The following NOSTRIN variants were observed in gnomAD, a reference collection of about 807,000 sequenced individuals.
NOSTRIN encodes the protein BM247 homolog.
Under a neutral mutation model 59.0 loss-of-function variants are expected in NOSTRIN, and 63 were observed. That is an observed-to-expected ratio of 1.07 (90% CI 0.87 to 1.32). The LOEUF (loss-of-function observed/expected upper bound fraction) is 1.32. Ranked by LOEUF, NOSTRIN falls within the 40% of genes most tolerant of loss-of-function variation. The pLI is 0.00. For missense variants in NOSTRIN, 512 were observed against 473.1 expected (o/e 1.08, Z -0.76); for synonymous variants, 200 against 165.4 (o/e 1.21, Z -1.61).
At chr2:168,805,815 CG>C (rs1685822952) in intron 1 of NOSTRIN, among the ~76,000 whole-genome samples, 2 of 152,236 alleles carry the variant, frequency 1.3e-5, no homozygotes, top group African/African-American at 4.8e-5. Flanking sequence ...CAGATGGTGC[CG>C]GTGCCATGGT....
At chr2:168,849,842 G>C (rs1265512904) in intron 8 of NOSTRIN, among the ~76,000 whole-genome samples, 1 of 151,544 alleles carries the variant, frequency 6.6e-6, no homozygotes, top group East Asian at 1.9e-4. Context: ...ATGCTTAGTT[G>C]CTAAAGCTTT....
At chr2:168,818,364 C>G in intron 2 of NOSTRIN, 2 of 202,866 alleles carry the variant, frequency 9.9e-6, no homozygotes, top group South Asian at 1.4e-4. Context: ...GATATGTTGC[C>G]TAGGCTGGTC....
chr2:168,790,603 G>T (rs926614312), intron 2 of NOSTRIN, among the ~76,000 whole-genome samples: 1 of 152,152 alleles, frequency 6.6e-6, no homozygotes, highest in Admixed American at 6.5e-5. Context: ...TAATTAACTG[G>T]TCATCTTCAA....
intron 6 of NOSTRIN, among the ~76,000 whole-genome samples, chr2:168,831,846 C>A (rs751259993): frequency 2.6e-5 from 4 of 152,172 alleles, no homozygotes; most frequent in South Asian, 2.1e-4. Flanking sequence ...AATGGAGACA[C>A]AGAGAGTTTC....
intron 2 of NOSTRIN, among the ~76,000 whole-genome samples, chr2:168,814,392 A>G (rs1686295383): frequency 6.6e-6 from 1 of 152,320 alleles, no homozygotes; most frequent in South Asian, 2.1e-4. Context: ...CTAGATATAC[A>G]TTGGATAGAA....
intron 1 of NOSTRIN, among the ~76,000 whole-genome samples, chr2:168,805,839 G>A (rs762371456): frequency 6.6e-6 from 1 of 152,188 alleles, no homozygotes; most frequent in Non-Finnish European, 1.5e-5. Flanking sequence ...GTAGCTCCTA[G>A]GAGAATCTGA....
upstream of NOSTRIN, among the ~76,000 whole-genome samples, chr2:168,794,026 T>C (rs528344287): frequency 2.6e-5 from 4 of 152,334 alleles, no homozygotes; most frequent in South Asian, 8.3e-4. Context: ...CTTCATAATC[T>C]GTCTATCATA....
intron 6 of NOSTRIN, among the ~76,000 whole-genome samples, chr2:168,832,624 G>A (rs1204294259): frequency 6.6e-6 from 1 of 152,176 alleles, no homozygotes; most frequent in Non-Finnish European, 1.5e-5. Flanking sequence ...AATAAAAAGT[G>A]TTTGATGTAA....
chr2:168,828,600 G>A, intron 5 of NOSTRIN, 99 bp downstream of exon 5: 1 of 509,606 alleles, frequency 2.0e-6, no homozygotes, highest in East Asian at 3.1e-5. Flanking sequence ...CCAAGTTTCA[G>A]GAATTTATCC....
rs536187054 is a variant in NOSTRIN, at chr2:168,835,220, G to T, written c.504+895G>T. On this transcript the variant is annotated intron_variant, in intron 7 of 15. Coordinates refer to ENST00000317647, the MANE Select transcript of NOSTRIN (RefSeq NM_001039724.4). The stretch of plus-strand genomic sequence containing the variant: ...CTCCCAAGTAGCTGGGACTACAGGT[G>T]TGCACCACCATGCTCGGCTAATTTT... Among the ~76,000 whole-genome samples, 397 of 152,094 alleles carry T rather than the reference G, an allele frequency of 2.6e-3. 3 individuals carry two copies. Among genetic ancestry groups the T allele is most frequent in the African/African-American group, 8.8e-3 (364 of 41,452 alleles).
intron 2 of NOSTRIN, among the ~76,000 whole-genome samples, chr2:168,789,315 G>A (rs373698988): frequency 1.3e-5 from 2 of 152,236 alleles, no homozygotes; most frequent in Non-Finnish European, 2.9e-5. Context: ...AAGGAAAGAG[G>A]TTTAATAGGC....
chr2:168,846,902 C>T (rs913548569), intron 8 of NOSTRIN, among the ~76,000 whole-genome samples: 3 of 152,168 alleles, frequency 2.0e-5, no homozygotes, highest in South Asian at 2.1e-4. Context: ...ATAAAATGGA[C>T]GCCTCAGGAC....
At chr2:168,818,259 T>C in intron 2 of NOSTRIN, 1 of 428,338 alleles carries the variant, frequency 2.3e-6, no homozygotes, top group Non-Finnish European at 4.7e-6. Flanking sequence ...GCTCGCGAAC[T>C]CCTCTCGCCT....
Position 168,865,012 on chromosome 2 carries a change from C to T in NOSTRIN, c.*42C>T. On this transcript the variant is annotated 3_prime_UTR_variant, in exon 16 of 16. Coordinates refer to ENST00000317647, the MANE Select transcript of NOSTRIN (RefSeq NM_001039724.4). ...TACTACCTTCACACTCGGTAATCAA[C>T]AATACAGTGTGGTTCAAATAAGAAT... 1 of 1,603,770 alleles carries T rather than the reference C, an allele frequency of 6.2e-7. No homozygotes were observed. Among genetic ancestry groups the T allele is most frequent in the South Asian group, 1.1e-5 (1 of 90,434 alleles).
chr2:168,840,918 T>C (rs501303), intron 7 of NOSTRIN, among the ~76,000 whole-genome samples: 97,444 of 151,920 alleles, frequency 0.64, 32,308 homozygotes, highest in African/African-American at 0.81. Flanking sequence ...CTGGAATTTG[T>C]AATTTTTACA....
chr2:168,819,766 T>C (rs1347402844), intron 2 of NOSTRIN, among the ~76,000 whole-genome samples: 2 of 152,194 alleles, frequency 1.3e-5, no homozygotes, highest in African/African-American at 4.8e-5. Context: ...GGGTCATCAA[T>C]AAGTTGCAGG....
At chr2:168,824,479 A>G (rs1686941657) in intron 2 of NOSTRIN, among the ~76,000 whole-genome samples, 155 bp from the exon 3 acceptor site, 1 of 152,032 alleles carries the variant, frequency 6.6e-6, no homozygotes, top group South Asian at 2.1e-4. Context: ...TTGTATTTTT[A>G]GTAGAGACTG....
intron 2 of NOSTRIN, 79 bp downstream of exon 2, chr2:168,811,731 G>A (rs1686146657): frequency 6.5e-6 from 4 of 614,996 alleles, no homozygotes; most frequent in Non-Finnish European, 1.1e-5. Flanking sequence ...GTGATTACAA[G>A]CTGTCCTACT....
chr2:168,797,629 G>C (rs978177721), upstream of NOSTRIN, among the ~76,000 whole-genome samples: 2 of 151,926 alleles, frequency 1.3e-5, no homozygotes, highest in African/African-American at 4.8e-5. Flanking sequence ...CATCTCAACT[G>C]TCAGTTCTTT....
Sources: allele counts gnomAD v4.1 joint callset (sites outside exome capture counted in the v4.1 genomes callset), GRCh38; gene constraint gnomAD v4.1.1; transcripts MANE v1.5; gene names NCBI Gene and HGNC (gene_info 2026-07-23, HGNC 2026-07-21).